The following DDX46 variants were observed in gnomAD, a reference collection of about 807,000 sequenced individuals.
DDX46 encodes DEAD-box helicase 46.
In DDX46, 30 loss-of-function variants were observed where a neutral mutation model predicts 134.9. That is an observed-to-expected ratio of 0.22 (90% CI 0.17 to 0.30). The LOEUF is 0.30. Among genes scored for constraint, DDX46 ranks in the 10% least tolerant of loss-of-function variants. The pLI is 1.00. For missense variants in DDX46, 622 were observed against 1,248.7 expected (o/e 0.50, Z 7.56); for synonymous variants, 415 against 404.1 (o/e 1.03, Z -0.32).
At chr5:134,820,139 C>G (rs1676008103) in intron 21 of DDX46, among the ~76,000 whole-genome samples, 1 of 152,088 alleles carries the variant, frequency 6.6e-6, no homozygotes, top group Non-Finnish European at 1.5e-5. Flanking sequence ...CCTGGCTGGT[C>G]TCAAACTCCT....
chr5:134,805,193 T>TG (rs918753311), intron 15 of DDX46: 13 of 172,854 alleles, frequency 7.5e-5, no homozygotes, highest in African/African-American at 2.9e-4. Context: ...TTTTTTGAGA[T>TG]GGAGTCTTGC....
Position 134,817,507 on chromosome 5 carries a change from G to C in DDX46, c.2625G>C (p.Gln875His), listed in dbSNP as rs1755316216. 6.2e-7 allele frequency: 1 copy of C among 1,613,690 alleles called. No individual in the cohort carries two copies. The highest frequency in any genetic ancestry group is 8.5e-7 in the Non-Finnish European group (1 of 1,179,914). Residue 875 changes from glutamine (Q) to histidine (H), a missense_variant, in exon 20 of 23, where the codon CAG (glutamine) becomes CAC (histidine). By Grantham distance (24) the Gln-to-His change is conservative. Transcript: ENST00000452510. The part of the protein sequence containing the change: ...LGIESQVDVM[Q>H]QATNAILRGG... ...TTCTTTAACTACAGGATGTGATGCA[G>C]CAGGCCACCAATGCAATTCTTAGGG... is the stretch of plus-strand genomic sequence containing the variant.
intron 16 of DDX46, among the ~76,000 whole-genome samples, chr5:134,810,643 C>T (rs1285729027): frequency 6.6e-6 from 1 of 151,706 alleles, no homozygotes; most frequent in African/African-American, 2.4e-5. Context: ...TGCGTCCAGC[C>T]AATTGCATAT....
At position 134,758,873 on chromosome 5, in the gene DDX46, C is replaced by T; in HGVS notation, c.-66C>T. ...TGCCGGGCGTTGAGGGCAGCTCAGC[C>T]TCCTTGTTTGTCCGGTTCGCCTGTG... On this transcript the variant is annotated 5_prime_UTR_variant, in exon 1 of 23. Coordinates refer to ENST00000452510, the MANE Select transcript of DDX46 (RefSeq NM_001300860.2). 6.2e-7 allele frequency: 1 copy of T among 1,613,412 alleles called. No homozygotes were observed. Among genetic ancestry groups the T allele is most frequent in the Non-Finnish European group, 8.5e-7 (1 of 1,179,574 alleles).
In DDX46 at chr5:134,773,215, A is replaced by G. The variant is rs561770402; in HGVS notation, c.448-481A>G. Among the ~76,000 whole-genome samples the G allele has an allele frequency of 5.3e-5, 8 of 152,248 alleles. No individual in the cohort carries two copies. In the South Asian group the frequency reaches 1.7e-3, roughly 32 times the overall value. Reference sequence around the variant, plus strand: ...GCTTCCCAGGTAGCTGGGACCACAGACATGTACCATGTGCCTGGCCATAAA... The same window carrying G: ...GCTTCCCAGGTAGCTGGGACCACAGGCATGTACCATGTGCCTGGCCATAAA... On this transcript the variant is annotated intron_variant, in intron 4 of 22. Transcript: ENST00000452510.
intron 21 of DDX46, among the ~76,000 whole-genome samples, chr5:134,819,239 TAAAAG>T (rs1186642916): frequency 6.6e-6 from 1 of 152,204 alleles, no homozygotes; most frequent in Non-Finnish European, 1.5e-5. Flanking sequence ...ATTTGAAAAT[TAAAAG>T]AAAACTTACA....
chr5:134,762,365 T>TAGCA (rs2150127431), intron 1 of DDX46, among the ~76,000 whole-genome samples: 1 of 151,772 alleles, frequency 6.6e-6, no homozygotes, highest in East Asian at 1.9e-4. Context: ...TTACAGTGAG[T>TAGCA]AGCAATTGAG....
chr5:134,783,147 A>AT, intron 9 of DDX46, 82 bp downstream of exon 9: 1 of 1,498,764 alleles, frequency 6.7e-7, no homozygotes, highest in Admixed American at 2.2e-5. Flanking sequence ...CCTGAGTTAC[A>AT]TTTTTACTCT....
intron 1 of DDX46, among the ~76,000 whole-genome samples, chr5:134,761,476 T>G (rs1753384371): frequency 6.6e-6 from 1 of 152,220 alleles, no homozygotes. Flanking sequence ...GAACTTGAGG[T>G]GCTTGAGAGA....
At chr5:134,791,663 C>T (rs1363591506) in intron 13 of DDX46, among the ~76,000 whole-genome samples, 1 of 151,972 alleles carries the variant, frequency 6.6e-6, no homozygotes, top group East Asian at 1.9e-4. Flanking sequence ...TATAAGAGAC[C>T]ATAGTAATGG....
chr5:134,795,345 T>G (rs1754624724), intron 14 of DDX46, among the ~76,000 whole-genome samples: 1 of 151,670 alleles, frequency 6.6e-6, no homozygotes, highest in Non-Finnish European at 1.5e-5. Flanking sequence ...TGTGGTGACC[T>G]CCCGGTAACA....
intron 15 of DDX46, among the ~76,000 whole-genome samples, chr5:134,802,157 TTC>T: frequency 7.0e-6 from 1 of 143,838 alleles, no homozygotes; most frequent in African/African-American, 2.6e-5. Flanking sequence ...GATAATTTCT[TTC>T]TTTTTTTTTT....
At chr5:134,802,772 T>C (rs757966155) in intron 15 of DDX46, among the ~76,000 whole-genome samples, 13 of 152,096 alleles carry the variant, frequency 8.5e-5, no homozygotes, top group Non-Finnish European at 1.2e-4. Context: ...TTGATTTTTG[T>C]TTTATGGTTT....
chr5:134,794,328 G>C (rs911572623), intron 13 of DDX46, among the ~76,000 whole-genome samples: 7 of 152,140 alleles, frequency 4.6e-5, no homozygotes, highest in Non-Finnish European at 1.0e-4. Context: ...TTATCTTCCA[G>C]GCTTTTCTCA....
intron 10 of DDX46, among the ~76,000 whole-genome samples, 172 bp from the exon 11 acceptor site, chr5:134,785,293 T>C (rs1221694187): frequency 6.6e-6 from 1 of 152,240 alleles, no homozygotes; most frequent in Non-Finnish European, 1.5e-5. Flanking sequence ...ATATTTATCC[T>C]TCCCCACAAC....
At chr5:134,765,121 TGCAGTG>T (rs1753525713) in intron 2 of DDX46, among the ~76,000 whole-genome samples, 2 of 149,444 alleles carry the variant, frequency 1.3e-5, no homozygotes, top group Admixed American at 6.8e-5. Context: ...CAGGCTGGAG[TGCAGTG>T]GCACGATCTA....
At chr5:134,814,914 C>T (rs1209392648) in intron 18 of DDX46, among the ~76,000 whole-genome samples, 1 of 151,820 alleles carries the variant, frequency 6.6e-6, no homozygotes, top group Admixed American at 6.6e-5. Flanking sequence ...CTGTGCGTGG[C>T]CATAACTAAA....
At chr5:134,799,580 A>G (rs1228150411) in intron 15 of DDX46, among the ~76,000 whole-genome samples, 1 of 152,082 alleles carries the variant, frequency 6.6e-6, no homozygotes, top group African/African-American at 2.4e-5. Context: ...TCTACTAAAA[A>G]TACAAAAATT....
At chr5:134,791,611 T>A (rs192915130) in intron 13 of DDX46, among the ~76,000 whole-genome samples, 2 of 151,546 alleles carry the variant, frequency 1.3e-5, no homozygotes, top group East Asian at 3.9e-4. Context: ...CATTGTGAAT[T>A]GTCAGTAGGC....
Sources: gnomAD v4.1 joint callset for allele counts (sites outside exome capture counted in the v4.1 genomes callset) on GRCh38, gnomAD v4.1.1 for gene constraint, MANE v1.5 for transcripts, NCBI Gene and HGNC (gene_info 2026-07-23, HGNC 2026-07-21) for gene names.